IMMP2L: variants seen among roughly 807,000 people sequenced by gnomAD.
The protein encoded by IMMP2L is mitochondrial inner membrane protease subunit 2.
A neutral mutation model predicts 19.3 loss-of-function variants in IMMP2L; 18 were observed. The observed-to-expected ratio is 0.93, with a 90% confidence interval of 0.64 to 1.38. IMMP2L has a LOEUF of 1.38. Ranked by LOEUF, IMMP2L falls within the 40% of genes most tolerant of loss-of-function variation. The pLI is 0.00. For synonymous variants in IMMP2L, 76 were observed against 73.0 expected (o/e 1.04, Z -0.21); for missense variants, 233 against 218.2 (o/e 1.07, Z -0.43).
intron 3 of IMMP2L, among the ~76,000 whole-genome samples, chr7:111,419,073 C>A (rs1052586704): frequency 2.0e-5 from 3 of 151,782 alleles, no homozygotes; most frequent in Non-Finnish European, 4.4e-5. Flanking sequence ...AATCAAATGC[C>A]TAGCTTCACA....
chr7:110,716,846 T>C (rs1795262554), intron 5 of IMMP2L, among the ~76,000 whole-genome samples: 1 of 152,194 alleles, frequency 6.6e-6, no homozygotes, highest in Non-Finnish European at 1.5e-5. Flanking sequence ...GGACTTCCTA[T>C]ATGTGATTGA....
At chr7:111,437,015 C>T (rs981333503) in intron 3 of IMMP2L, among the ~76,000 whole-genome samples, 1 of 151,822 alleles carries the variant, frequency 6.6e-6, no homozygotes, top group Non-Finnish European at 1.5e-5. Flanking sequence ...GATCCGCCCC[C>T]ATGACCCAAC....
intron 3 of IMMP2L, among the ~76,000 whole-genome samples, chr7:111,026,013 AAC>A (rs144001447): frequency 0.1 from 15,390 of 148,248 alleles, 1,511 homozygotes; most frequent in African/African-American, 0.26. Context: ...GCTAATATTA[AAC>A]ACACACACAC....
chr7:110,819,990 G>C (rs1312221846), intron 5 of IMMP2L, among the ~76,000 whole-genome samples: 1 of 151,626 alleles, frequency 6.6e-6, no homozygotes, highest in Non-Finnish European at 1.5e-5. Context: ...TTCATATCTA[G>C]AGTATGACAA....
chr7:111,072,661 C>T (rs1047153161), intron 3 of IMMP2L, among the ~76,000 whole-genome samples: 4 of 151,962 alleles, frequency 2.6e-5, no homozygotes, highest in African/African-American at 9.7e-5. Flanking sequence ...TTTGGGAGGC[C>T]GAGGCAGGCG....
intron 3 of IMMP2L, among the ~76,000 whole-genome samples, chr7:111,472,456 A>AT (rs1841356209): frequency 2.0e-5 from 3 of 152,122 alleles, no homozygotes; most frequent in Admixed American, 2.0e-4. Flanking sequence ...TGTATTTCAA[A>AT]TTCTGGCAAG....
intron 3 of IMMP2L, among the ~76,000 whole-genome samples, chr7:110,972,167 G>GA (rs113452643): frequency 2.0e-3 from 280 of 137,284 alleles, no homozygotes; most frequent in Non-Finnish European, 2.0e-3. Context: ...ATTGTTTCCA[G>GA]AAAAAAAAAA....
intron 4 of IMMP2L, among the ~76,000 whole-genome samples, chr7:110,949,080 C>T (rs1743320118): frequency 6.6e-6 from 1 of 152,166 alleles, no homozygotes; most frequent in Non-Finnish European, 1.5e-5. Context: ...GACATTTCGG[C>T]TTAGACTGAG....
intron 3 of IMMP2L, among the ~76,000 whole-genome samples, chr7:111,288,111 T>A (rs1209913369): frequency 6.6e-6 from 1 of 152,148 alleles, no homozygotes; most frequent in Non-Finnish European, 1.5e-5. Context: ...TTGTTTCCAA[T>A]GCACTAAGAT....
intron 3 of IMMP2L, among the ~76,000 whole-genome samples, chr7:111,309,238 C>T (rs940528817): frequency 1.3e-5 from 2 of 151,984 alleles, no homozygotes; most frequent in Non-Finnish European, 1.5e-5. Flanking sequence ...GACAAATGTA[C>T]AACAAACAGT....
At chr7:111,288,228 T>G (rs1820709620) in intron 3 of IMMP2L, among the ~76,000 whole-genome samples, 1 of 152,182 alleles carries the variant, frequency 6.6e-6, no homozygotes, top group Non-Finnish European at 1.5e-5. Context: ...AGGGAAGAGA[T>G]ATTCTATGAA....
chr7:111,009,030 GGTCACA>G (rs1353877364), intron 3 of IMMP2L, among the ~76,000 whole-genome samples: 3 of 152,064 alleles, frequency 2.0e-5, no homozygotes, highest in African/African-American at 7.2e-5. Context: ...ATGGTCCACA[GGTCACA>G]GTCAGTATTT....
In IMMP2L at chr7:111,123,919, A is replaced by C; in HGVS notation, c.240-160354T>G. ...TGTCATCCGTTGGATGAACATGAAC[A>C]AAACCAACATTCGATTCATGGAGCC... is the stretch of plus-strand genomic sequence containing the variant. On this transcript the variant is annotated intron_variant, in intron 3 of 5. Coordinates refer to ENST00000405709, the MANE Select transcript of IMMP2L (RefSeq NM_032549.4). This position sits in a 1 kb window ranked among gnomAD's most constrained non-coding sequence, Gnocchi z 6.4. 6.2e-7 allele frequency: 1 copy of C among 1,614,036 alleles called. No individual in the cohort carries two copies. Among genetic ancestry groups the C allele is most frequent in the Non-Finnish European group, 8.5e-7 (1 of 1,180,008 alleles).
intron 3 of IMMP2L, among the ~76,000 whole-genome samples, chr7:110,980,357 T>G (rs1196462866): frequency 6.6e-6 from 1 of 150,576 alleles, no homozygotes; most frequent in Admixed American, 6.7e-5. Flanking sequence ...CCTCTCCGAG[T>G]AGCTGGGACT....
intron 3 of IMMP2L, among the ~76,000 whole-genome samples, chr7:111,453,197 G>A (rs1839376122): frequency 6.6e-6 from 1 of 152,138 alleles, no homozygotes; most frequent in African/African-American, 2.4e-5. Flanking sequence ...TAATACTTCT[G>A]TTCGTAGCTG....
intron 3 of IMMP2L, among the ~76,000 whole-genome samples, chr7:111,364,864 G>A (rs867246643): frequency 1.3e-5 from 2 of 151,524 alleles, no homozygotes; most frequent in African/African-American, 2.4e-5. Context: ...CAGCTACCAG[G>A]GAGGCTGAGG....
intron 4 of IMMP2L, among the ~76,000 whole-genome samples, chr7:110,959,509 T>A (rs1477782779): frequency 6.6e-6 from 1 of 151,962 alleles, no homozygotes; most frequent in Non-Finnish European, 1.5e-5. Context: ...CAAATCATTA[T>A]CAGACTGTAT....
intron 3 of IMMP2L, among the ~76,000 whole-genome samples, chr7:111,208,445 C>G (rs1195164418): frequency 6.6e-6 from 1 of 152,036 alleles, no homozygotes; most frequent in Non-Finnish European, 1.5e-5. Context: ...GCTGAATTAC[C>G]ACACTGATAC....
intron 3 of IMMP2L, among the ~76,000 whole-genome samples, chr7:111,010,315 A>G (rs1182840575): frequency 6.6e-6 from 1 of 152,176 alleles, no homozygotes; most frequent in Non-Finnish European, 1.5e-5. Flanking sequence ...ACAGAGTCTT[A>G]CATCTTTAGT....
Sources: allele counts gnomAD v4.1 joint callset (sites outside exome capture counted in the v4.1 genomes callset), GRCh38; gene constraint gnomAD v4.1.1; non-coding constraint Gnocchi (gnomAD v3.1); transcripts MANE v1.5; gene names NCBI Gene and HGNC (gene_info 2026-07-23, HGNC 2026-07-21).